WASHC3: variants seen among roughly 807,000 people sequenced by gnomAD.
WASHC3 encodes the protein WASH complex subunit 3, also known as WASH complex subunit CCDC53.
Under a neutral mutation model 26.1 loss-of-function variants are expected in WASHC3, and 24 were observed. The ratio of observed to expected loss-of-function variants is 0.92; its 90% confidence interval spans 0.66 to 1.29. The LOEUF (loss-of-function observed/expected upper bound fraction) is 1.29. Ranked by LOEUF, WASHC3 falls within the 50% of genes most tolerant of loss-of-function variation. WASHC3 has a pLI of 0.00. For synonymous variants in WASHC3, 77 were observed against 75.7 expected (o/e 1.02, Z -0.09); for missense variants, 214 against 229.6 (o/e 0.93, Z 0.44).
At chr12:102,026,964 A>G (rs769033628) in intron 5 of WASHC3, among the ~76,000 whole-genome samples, 2 of 152,194 alleles carry the variant, frequency 1.3e-5, no homozygotes, top group Non-Finnish European at 2.9e-5. Context: ...ACACTCAGGA[A>G]AAAGCCCAAT....
intron 4 of WASHC3, among the ~76,000 whole-genome samples, chr12:102,041,435 T>C (rs1594362846): frequency 6.6e-6 from 1 of 152,066 alleles, no homozygotes; most frequent in South Asian, 2.1e-4. Context: ...CTCAAATCAA[T>C]CTCACTCTGC....
intron 5 of WASHC3, among the ~76,000 whole-genome samples, chr12:102,031,186 TTTC>T (rs1219058887): frequency 1.8e-4 from 27 of 152,232 alleles, no homozygotes; most frequent in African/African-American, 6.5e-4. Context: ...ATTTTTGAAA[TTTC>T]TTGTCAAAAG....
intron 2 of WASHC3, among the ~76,000 whole-genome samples, chr12:102,052,391 C>T (rs1878428095): frequency 6.6e-6 from 1 of 152,120 alleles, no homozygotes; most frequent in African/African-American, 2.4e-5. Flanking sequence ...CACCTGCAGG[C>T]GAAGCCTTTA....
At chr12:102,041,748 C>T (rs1427129326) in intron 4 of WASHC3, among the ~76,000 whole-genome samples, 3 of 151,948 alleles carry the variant, frequency 2.0e-5, no homozygotes, top group Non-Finnish European at 4.4e-5. Context: ...ACATGCTGAG[C>T]AGTTATTTTA....
intron 2 of WASHC3, among the ~76,000 whole-genome samples, chr12:102,054,231 C>A (rs1878503639): frequency 6.6e-6 from 1 of 152,200 alleles, no homozygotes; most frequent in Non-Finnish European, 1.5e-5. Flanking sequence ...AAGTCCTTAT[C>A]TATCAATAAT....
intron 2 of WASHC3, among the ~76,000 whole-genome samples, chr12:102,053,747 A>T (rs1446313550): frequency 6.6e-6 from 1 of 152,166 alleles, no homozygotes; most frequent in Admixed American, 6.5e-5. Flanking sequence ...ATTATTATTT[A>T]AAAAATCAAA....
At chr12:102,016,019 A>G (rs1876685011) in intron 6 of WASHC3, among the ~76,000 whole-genome samples, 1 of 152,026 alleles carries the variant, frequency 6.6e-6, no homozygotes, top group Non-Finnish European at 1.5e-5. Context: ...TCTCCTGAGT[A>G]GCTGAGACTA....
chr12:102,038,701 T>C (rs1013696910), intron 5 of WASHC3, among the ~76,000 whole-genome samples: 1 of 152,162 alleles, frequency 6.6e-6, no homozygotes, highest in Non-Finnish European at 1.5e-5. Flanking sequence ...TGGTTTATTT[T>C]TTTCTAAATT....
intron 1 of WASHC3, 125 bp downstream of exon 1, chr12:102,061,787 G>A (rs1878821904): frequency 2.7e-6 from 2 of 743,354 alleles, no homozygotes; most frequent in Non-Finnish European, 4.4e-6. Flanking sequence ...GGCCCCACAG[G>A]CCTGTCACAA....
At chr12:102,040,023 G>A (rs759213970) in intron 4 of WASHC3, 45 bp from the exon 5 acceptor site, 4 of 845,006 alleles carry the variant, frequency 4.7e-6, no homozygotes, top group East Asian at 5.4e-5. Context: ...TTTACAAAAG[G>A]GGTCTATCAT....
intron 5 of WASHC3, among the ~76,000 whole-genome samples, chr12:102,026,556 C>T (rs542368074): frequency 6.6e-6 from 1 of 152,270 alleles, no homozygotes; most frequent in Non-Finnish European, 1.5e-5. Context: ...CTATATTACA[C>T]ATCTTCCCAA....
At chr12:102,050,987 A>G (rs572993807) in intron 2 of WASHC3, among the ~76,000 whole-genome samples, 21 of 152,358 alleles carry the variant, frequency 1.4e-4, no homozygotes, top group African/African-American at 4.1e-4. Context: ...TCTGGTGCCA[A>G]TCACTGGAAG....
chr12:102,028,910 C>G (rs1198023091), intron 5 of WASHC3, among the ~76,000 whole-genome samples: 1 of 152,028 alleles, frequency 6.6e-6, no homozygotes. Context: ...GGCCTGCTTA[C>G]AGCAGAACAG....
chr12:102,038,526 T>TTTGTTG (rs558742136), intron 5 of WASHC3, among the ~76,000 whole-genome samples: 4 of 151,980 alleles, frequency 2.6e-5, no homozygotes, highest in African/African-American at 7.3e-5. Context: ...TGAAATAGTT[T>TTTGTTG]TTGTTGTTGT....
chr12:102,021,454 A>AACT (rs1368956007), intron 6 of WASHC3, among the ~76,000 whole-genome samples: 3 of 152,186 alleles, frequency 2.0e-5, no homozygotes, highest in Admixed American at 6.5e-5. Flanking sequence ...CACAGACCAC[A>AACT]ACTGCTTTTT....
chr12:102,030,773 C>G (rs1438784407), intron 5 of WASHC3, among the ~76,000 whole-genome samples: 1 of 152,024 alleles, frequency 6.6e-6, no homozygotes, highest in African/African-American at 2.4e-5. Context: ...ATAGTATTAC[C>G]AAGTAGGTAC....
chr12:102,054,935 C>T (rs568670564), intron 2 of WASHC3, among the ~76,000 whole-genome samples: 194 of 152,094 alleles, frequency 1.3e-3, no homozygotes, highest in Non-Finnish European at 2.3e-3. Flanking sequence ...GAAGCTTCGG[C>T]AGTAAAGACC....
Position 102,044,283 on chromosome 12 carries a change from G to A in WASHC3, c.217-71C>T. On this transcript the variant is annotated intron_variant, in intron 3 of 6. Transcript: ENST00000240079. ...TAAATAAACACTATTTTTAATAGCT[G>A]TCTTAAGTTTTAAGGCTATACAAAT... 7.6e-6 allele frequency: 5 copies of A among 659,588 alleles called. No homozygotes were observed. In the South Asian group the frequency reaches 1.2e-4, roughly 16 times the overall value. 40.9% of individuals were successfully genotyped at this position (659,588 alleles called of 1,614,324 possible).
chr12:102,059,988 T>C (rs117231710), intron 2 of WASHC3, among the ~76,000 whole-genome samples: 1 of 152,214 alleles, frequency 6.6e-6, no homozygotes, highest in Non-Finnish European at 1.5e-5. Flanking sequence ...TTACTTTGTC[T>C]TAGAAGGCAG....
Sources: allele counts gnomAD v4.1 joint callset (sites outside exome capture counted in the v4.1 genomes callset), GRCh38; gene constraint gnomAD v4.1.1; transcripts MANE v1.5; gene names NCBI Gene and HGNC (gene_info 2026-07-23, HGNC 2026-07-21).